The following RPS6KB1 variants were observed in gnomAD, a reference collection of about 807,000 sequenced individuals.
RPS6KB1 encodes ribosomal protein S6 kinase beta-1.
A neutral mutation model predicts 70.2 loss-of-function variants in RPS6KB1; 12 were observed. The observed-to-expected ratio is 0.17, with a 90% CI of 0.11 to 0.28. The LOEUF is 0.28. Among genes scored for constraint, RPS6KB1 ranks in the 10% least tolerant of loss-of-function variants. The probability of loss-of-function intolerance (pLI) is 1.00; values close to 1 mark genes in which losing one functional copy is unlikely to be tolerated. For missense variants in RPS6KB1, 270 were observed against 646.6 expected, an observed-to-expected ratio of 0.42 and a Z score of 6.32; for synonymous variants, 175 against 211.2, an observed-to-expected ratio of 0.83 and a Z score of 1.49.
At chr17:59,899,381 A>C (rs1482854184) in intron 1 of RPS6KB1, among the ~76,000 whole-genome samples, 3 of 152,204 alleles carry the variant, frequency 2.0e-5, no homozygotes, top group South Asian at 4.1e-4. Flanking sequence ...TTATTAGCAC[A>C]ATATGCAGGT....
At chr17:59,922,227 G>A (rs1157033186) in intron 4 of RPS6KB1, among the ~76,000 whole-genome samples, 1 of 152,012 alleles carries the variant, frequency 6.6e-6, no homozygotes, top group Non-Finnish European at 1.5e-5. Flanking sequence ...TTGTAGTAGA[G>A]ACGAGGTTTC....
chr17:59,893,426 C>G lies in RPS6KB1; in HGVS notation c.141+101C>G. On this transcript the variant is annotated intron_variant, in intron 1 of 14. Coordinates refer to ENST00000225577, the MANE Select transcript of RPS6KB1 (RefSeq NM_003161.4). The surrounding 1 kb of genome is among the most constrained non-coding windows in gnomAD (Gnocchi z 4.1). The stretch of plus-strand genomic sequence containing the variant: ...CCTAGAGCGTGGAGACCCAGGGGGG[C>G]TCCTGAGGAGCTGAGGGTCGCGCGG... 1 of 1,249,388 alleles carries G rather than the reference C, an allele frequency of 8.0e-7. No homozygotes were observed. Among genetic ancestry groups the G allele is most frequent in the East Asian group, 2.5e-5 (1 of 39,256 alleles). The allele number at this position is 1,249,388 out of a possible 1,614,324, so 77.4% of individuals were successfully genotyped here.
At chr17:59,902,342 T>C (rs1322759458) in intron 1 of RPS6KB1, among the ~76,000 whole-genome samples, 1 of 151,994 alleles carries the variant, frequency 6.6e-6, no homozygotes, top group Non-Finnish European at 1.5e-5. Context: ...TGACCTCAAG[T>C]GATCCGCCTG....
chr17:59,929,437 CAATT>C (rs1221506989), intron 5 of RPS6KB1, among the ~76,000 whole-genome samples: 2 of 152,216 alleles, frequency 1.3e-5, no homozygotes, highest in African/African-American at 4.8e-5. Context: ...TTGCCTGCAA[CAATT>C]AATTGTGATG....
chr17:59,909,188 A>C (rs1465640441), intron 1 of RPS6KB1, among the ~76,000 whole-genome samples: 1 of 138,246 alleles, frequency 7.2e-6, no homozygotes, highest in Non-Finnish European at 1.5e-5. Context: ...TCGGCCTCCC[A>C]AACTGCTGGG....
chr17:59,906,217 T>C (rs566522978), intron 1 of RPS6KB1, among the ~76,000 whole-genome samples: 1 of 152,348 alleles, frequency 6.6e-6, no homozygotes, highest in African/African-American at 2.4e-5. Context: ...TCTGTTGATC[T>C]ATATGTCTTT....
chr17:59,910,603 A>C lies in RPS6KB1; in HGVS notation c.183A>C (p.Pro61=), dbSNP rs760831935. The change falls in exon 2 of 15, where the codon CCA becomes CCC. Residue 61 remains proline, a synonymous_variant. Transcript: ENST00000225577. ...NESMDHGGVG[P]YELGMEHCEK... is the part of the protein sequence containing the mutation. ...GCATGGACCATGGGGGAGTTGGACCATATGAACTGTAAGTTTATATGAAGA... is the reference window on the plus strand; with the variant it reads ...GCATGGACCATGGGGGAGTTGGACCCTATGAACTGTAAGTTTATATGAAGA... 1.3e-6 allele frequency: 2 copies of C among 1,583,828 alleles called. No individual in the cohort carries two copies. Among genetic ancestry groups the C allele is most frequent in the Non-Finnish European group, 1.7e-6 (2 of 1,160,456 alleles).
At chr17:59,897,714 C>G (rs1052872045) in intron 1 of RPS6KB1, among the ~76,000 whole-genome samples, 2 of 152,106 alleles carry the variant, frequency 1.3e-5, no homozygotes, top group Non-Finnish European at 2.9e-5. Flanking sequence ...TGCCTGTAAT[C>G]CCAGCACTTT....
chr17:59,917,186 A>T (rs1225194035), intron 4 of RPS6KB1, among the ~76,000 whole-genome samples: 1 of 152,094 alleles, frequency 6.6e-6, no homozygotes, highest in Non-Finnish European at 1.5e-5. Context: ...TGACACAATT[A>T]TAGCTCAGTG....
Position 59,899,224 on chromosome 17 carries a change from G to A in RPS6KB1, c.141+5899G>A, listed in dbSNP as rs117490340. Among the ~76,000 whole-genome samples, 1,486 of 151,452 alleles carry A rather than the reference G, an allele frequency of 9.8e-3. 17 individuals carry two copies. The highest frequency in any genetic ancestry group is 0.016 in the Non-Finnish European group (1,101 of 67,874). ...CGTCTCAGAAAAAAAAAAAAAAGGA[G>A]TAAAGAGTTTCCTGTGAAAGAGAGT... On this transcript the variant is annotated intron_variant, in intron 1 of 14. Transcript: ENST00000225577.
rs542042604 is a variant in RPS6KB1 at position 59,945,080 on chromosome 17, G to T, written c.1228-326G>T. The T allele has an allele frequency of 2.2e-5, 4 of 179,428 alleles. No individual in the cohort carries two copies. The South Asian group carries it at 5.2e-4, about 23-fold the overall frequency. 11.1% of individuals were successfully genotyped at this position (179,428 alleles called of 1,614,324 possible). On this transcript the variant is annotated intron_variant, in intron 13 of 14. Transcript: ENST00000225577. ...GCCTCCCAAAGTGCTGGGATGACAG[G>T]CGTGAGCCCCCGTGCCTGGGCGTAT... is the stretch of plus-strand genomic sequence containing the variant.
chr17:59,943,909 C>CATAT (rs200356416), intron 13 of RPS6KB1, among the ~76,000 whole-genome samples: 228 of 116,084 alleles, frequency 2.0e-3, no homozygotes, highest in Admixed American at 4.0e-3. Context: ...TATATATACA[C>CATAT]ATATATATAT....
intron 2 of RPS6KB1, chr17:59,912,464 A>T: frequency 4.6e-6 from 2 of 435,800 alleles, no homozygotes; most frequent in Non-Finnish European, 8.4e-6. Flanking sequence ...ATAAGTAAAT[A>T]ATTGATTGCC....
chr17:59,935,894 C>T (rs568181290), intron 10 of RPS6KB1, among the ~76,000 whole-genome samples: 1 of 152,186 alleles, frequency 6.6e-6, no homozygotes, highest in East Asian at 1.9e-4. Context: ...TCACTGCAAC[C>T]TCCACCTCCC....
rs549266369 is a variant in RPS6KB1 at position 59,939,498 on chromosome 17, T to G, written c.1120-1338T>G. ...TTTTGCCGTGTTCACCAGGCTGGTC[T>G]TCAACTCCTGAGCTCAAAAGCAATC... is the stretch of plus-strand genomic sequence containing the variant. On this transcript the variant is annotated intron_variant, in intron 12 of 14. Coordinates refer to ENST00000225577, the MANE Select transcript of RPS6KB1 (RefSeq NM_003161.4). Among the ~76,000 whole-genome samples the G allele has an allele frequency of 3.3e-5, 5 of 151,478 alleles. No homozygotes were observed. In the East Asian group the frequency reaches 9.7e-4, roughly 29 times the overall value.
chr17:59,913,216 G>T (rs887154232), intron 3 of RPS6KB1, among the ~76,000 whole-genome samples: 1 of 152,104 alleles, frequency 6.6e-6, no homozygotes, highest in African/African-American at 2.4e-5. Flanking sequence ...CAATAGAATT[G>T]GGGAAGCTGA....
intron 1 of RPS6KB1, among the ~76,000 whole-genome samples, chr17:59,898,150 C>T (rs540238500): frequency 2.0e-5 from 3 of 151,902 alleles, no homozygotes; most frequent in East Asian, 3.9e-4. Flanking sequence ...ATTTAGATTG[C>T]AAAAATGTTG....
At position 59,940,954 on chromosome 17, in the gene RPS6KB1, G is replaced by T. The variant is rs775817885; in HGVS notation, c.1227+11G>T. 1.1e-4 allele frequency: 166 copies of T among 1,540,448 alleles called. No homozygotes were observed. Among genetic ancestry groups the T allele is most frequent in the Non-Finnish European group, 1.3e-4 (151 of 1,127,962 alleles). ...AATCAGGTCTTTCTGGTAAGTGAAA[G>T]AATTTCCATGTAGTCATGGGAAATT... On this transcript the variant is annotated intron_variant, in intron 13 of 14. Transcript: ENST00000225577.
chr17:59,906,593 C>T (rs915553376), intron 1 of RPS6KB1, among the ~76,000 whole-genome samples: 2 of 152,174 alleles, frequency 1.3e-5, no homozygotes, highest in East Asian at 3.9e-4. Flanking sequence ...AACTCCTGAC[C>T]TCGAGTAATC....
Sources: allele counts gnomAD v4.1 joint callset (sites outside exome capture counted in the v4.1 genomes callset), GRCh38; gene constraint gnomAD v4.1.1; non-coding constraint Gnocchi (gnomAD v3.1); transcripts MANE v1.5; gene names NCBI Gene and HGNC (gene_info 2026-07-23, HGNC 2026-07-21).